The following SPOP variants were observed in gnomAD, a reference collection of about 807,000 sequenced individuals.
SPOP encodes speckle-type POZ protein.
SPOP carries 11 observed loss-of-function variants against 45.6 expected under a neutral mutation model. That is an observed-to-expected ratio of 0.24 (90% confidence interval 0.15 to 0.40). SPOP has a LOEUF of 0.40. SPOP is among the 10% of genes least tolerant of loss of function. The pLI is 1.00. For missense variants in SPOP, 152 were observed against 465.6 expected (o/e 0.33, Z 6.20); for synonymous variants, 166 against 166.3 (o/e 1.00, Z 0.01).
intron 5 of SPOP, among the ~76,000 whole-genome samples, chr17:49,617,102 G>A (rs2072104360): frequency 1.3e-5 from 2 of 152,204 alleles, no homozygotes; most frequent in African/African-American, 4.8e-5. Flanking sequence ...AAGAGAGGGG[G>A]AAGCATATGA....
chr17:49,608,023 T>A (rs2071887880), intron 6 of SPOP, 94 bp from the exon 7 acceptor site: 3 of 1,110,246 alleles, frequency 2.7e-6, no homozygotes, highest in South Asian at 1.5e-5. Context: ...TTCTAACCTA[T>A]CCTACTGCTA....
At chr17:49,662,548 C>G (rs1258554015) in intron 1 of SPOP, among the ~76,000 whole-genome samples, 1 of 151,844 alleles carries the variant, frequency 6.6e-6, no homozygotes, top group Non-Finnish European at 1.5e-5. Flanking sequence ...CGGGCACCAC[C>G]ACATGGCAGG....
chr17:49,601,352 T>C (rs567312747), intron 9 of SPOP: 1 of 152,468 alleles, frequency 6.6e-6, no homozygotes, highest in African/African-American at 2.4e-5. Flanking sequence ...ATTATTATTA[T>C]TCCATATTAT....
chr17:49,655,613 T>C (rs1174104957), intron 1 of SPOP, among the ~76,000 whole-genome samples: 1 of 152,154 alleles, frequency 6.6e-6, no homozygotes, highest in Admixed American at 6.5e-5. Context: ...GCTGAAATAA[T>C]AGTAATTATT....
intron 1 of SPOP, among the ~76,000 whole-genome samples, chr17:49,663,148 A>G (rs2073010911): frequency 6.6e-6 from 1 of 152,226 alleles, no homozygotes; most frequent in Non-Finnish European, 1.5e-5. Context: ...ACAGGAGGTG[A>G]GAGGTGGACG....
intron 8 of SPOP, among the ~76,000 whole-genome samples, chr17:49,606,027 A>AT (rs2071837234): frequency 6.6e-6 from 1 of 151,892 alleles, no homozygotes; most frequent in Non-Finnish European, 1.5e-5. Context: ...AATAGGCAGT[A>AT]TTTCCCTGTA....
At position 49,621,929 on chromosome 17, in the gene SPOP, G is replaced by A. The variant is rs2072228465; in HGVS notation, c.200+17C>T. 6.2e-7 allele frequency: 1 copy of A among 1,612,120 alleles called. No individual in the cohort carries two copies. The highest frequency in any genetic ancestry group is 1.3e-5 in the African/African-American group (1 of 74,870). On this transcript the variant is annotated intron_variant, in intron 3 of 9. Transcript: ENST00000504102. ...AACTTCAGAAAAATTTTTACAGTTA[G>A]ACGTATTCTTCCTCACCATTTCAGT... is the stretch of plus-strand genomic sequence containing the variant.
At chr17:49,617,119 G>A (rs1321657830) in intron 5 of SPOP, among the ~76,000 whole-genome samples, 2 of 152,190 alleles carry the variant, frequency 1.3e-5, no homozygotes, top group Non-Finnish European at 2.9e-5. Flanking sequence ...ATGAGAAAAG[G>A]CTGGACCCAC....
chr17:49,643,994 GA>G (rs1385170631), intron 1 of SPOP, among the ~76,000 whole-genome samples: 1 of 150,894 alleles, frequency 6.6e-6, no homozygotes, highest in Non-Finnish European at 1.5e-5. Context: ...AGCTTACAAG[GA>G]GAATAAAAGG....
intron 8 of SPOP, 182 bp from the exon 9 acceptor site, chr17:49,602,189 CT>C: frequency 1.6e-6 from 1 of 641,154 alleles, no homozygotes; most frequent in Non-Finnish European, 2.4e-6. Context: ...GATGTTTAAG[CT>C]TGAAATGTAA....
chr17:49,626,638 T>C (rs1009893324), intron 1 of SPOP, among the ~76,000 whole-genome samples: 1 of 151,750 alleles, frequency 6.6e-6, no homozygotes, highest in African/African-American at 2.4e-5. Context: ...AGGTGGAGGT[T>C]GCAGTGAGCC....
intron 1 of SPOP, among the ~76,000 whole-genome samples, chr17:49,676,423 G>A (rs1597994291): frequency 6.6e-6 from 1 of 152,176 alleles, no homozygotes; most frequent in Non-Finnish European, 1.5e-5. Flanking sequence ...CCCTGTAAGG[G>A]CCAGGGTTAA....
Position 49,600,120 on chromosome 17 carries a change from T to C in SPOP, c.*258A>G. On this transcript the variant is annotated 3_prime_UTR_variant, in exon 10 of 10. Transcript: ENST00000504102. This position sits in a 1 kb window ranked among gnomAD's most constrained non-coding sequence, Gnocchi z 4.2. ...GATATCCTCGGGCCAGCGCCTAAAC[T>C]GAATCCCCACAGTATCAAACTCAGC... The C allele has an allele frequency of 2.0e-6, 1 of 494,398 alleles. No homozygotes were observed. Among genetic ancestry groups the C allele is most frequent in the Non-Finnish European group, 3.7e-6 (1 of 273,698 alleles). 30.6% of individuals were successfully genotyped at this position (494,398 alleles called of 1,614,324 possible).
intron 6 of SPOP, among the ~76,000 whole-genome samples, chr17:49,608,451 T>C (rs1567771333): frequency 6.6e-6 from 1 of 152,082 alleles, no homozygotes; most frequent in Non-Finnish European, 1.5e-5. Flanking sequence ...CTAACAGAGA[T>C]GATATTGCCC....
At position 49,621,791 on chromosome 17, in the gene SPOP, T is replaced by C. The variant is rs1981705; in HGVS notation, c.200+155A>G. Among the ~76,000 whole-genome samples, 9,092 of 152,172 alleles carry C rather than the reference T, an allele frequency of 0.06. 439 individuals carry two copies. The highest frequency in any genetic ancestry group is 0.086 in the Non-Finnish European group (5,871 of 68,012). ...ACAAACATTTAGTGAGTACCTATTA[T>C]GTGCCAGGCACTGTGCTAGGCACTG... On this transcript the variant is annotated intron_variant, in intron 3 of 9. Transcript: ENST00000504102.
chr17:49,628,831 T>C (rs1485943574), intron 1 of SPOP, among the ~76,000 whole-genome samples: 1 of 152,190 alleles, frequency 6.6e-6, no homozygotes, highest in Non-Finnish European at 1.5e-5. Flanking sequence ...CTTTTATACT[T>C]ATGAACACTT....
intron 1 of SPOP, among the ~76,000 whole-genome samples, chr17:49,653,853 A>G (rs143077369): frequency 1.3e-4 from 20 of 150,668 alleles, no homozygotes; most frequent in Admixed American, 1.1e-3. Flanking sequence ...TAAGTATATA[A>G]TAGATATGAT....
At chr17:49,649,746 G>A (rs1241832683) in intron 1 of SPOP, among the ~76,000 whole-genome samples, 1 of 148,806 alleles carries the variant, frequency 6.7e-6, no homozygotes, top group African/African-American at 2.5e-5. Context: ...GGAGAATAGC[G>A]TGAACCCGGG....
chr17:49,669,951 T>C (rs972264754), intron 1 of SPOP, among the ~76,000 whole-genome samples: 4 of 152,072 alleles, frequency 2.6e-5, no homozygotes, highest in Non-Finnish European at 5.9e-5. Context: ...AATAGATATA[T>C]AGATGGGGAG....
Sources: gnomAD v4.1 joint callset for allele counts (sites outside exome capture counted in the v4.1 genomes callset) on GRCh38, gnomAD v4.1.1 for gene constraint, Gnocchi (gnomAD v3.1) non-coding constraint, MANE v1.5 for transcripts, NCBI Gene and HGNC (gene_info 2026-07-23, HGNC 2026-07-21) for gene names.